TAFA1: variants seen among roughly 807,000 people sequenced by gnomAD.
The protein encoded by TAFA1 is TAFA chemokine like family member 1.
A neutral mutation model predicts 18.5 loss-of-function variants in TAFA1; 4 were observed. The observed-to-expected ratio is 0.22, with a 90% CI of 0.11 to 0.49. The LOEUF (loss-of-function observed/expected upper bound fraction) is 0.49. TAFA1 is among the 20% of genes least tolerant of loss of function. The pLI, the probability that TAFA1 is intolerant of heterozygous loss-of-function variation, is 0.98. For missense variants in TAFA1, 147 were observed against 169.0 expected, an observed-to-expected ratio of 0.87 and a Z score of 0.72; for synonymous variants, 56 against 55.2, an observed-to-expected ratio of 1.01 and a Z score of -0.06.
intron 2 of TAFA1, among the ~76,000 whole-genome samples, chr3:68,255,661 G>C (rs928693759): frequency 6.6e-6 from 1 of 151,724 alleles, no homozygotes; most frequent in Non-Finnish European, 1.5e-5. Flanking sequence ...GAGTTTTATA[G>C]GGTTTTTTTT....
At chr3:68,529,436 T>TAAAAAA (rs533214097) in intron 3 of TAFA1, among the ~76,000 whole-genome samples, 10 of 77,070 alleles carry the variant, frequency 1.3e-4, no homozygotes, top group African/African-American at 3.2e-4. Context: ...CACCATTCTC[T>TAAAAAA]AAAAAAAAAA....
intron 3 of TAFA1, among the ~76,000 whole-genome samples, chr3:68,466,459 T>G (rs1451338435): frequency 6.6e-6 from 1 of 152,132 alleles, no homozygotes; most frequent in Non-Finnish European, 1.5e-5. Context: ...ATAGCAATAC[T>G]AAAATGTAAA....
At chr3:68,184,857 G>A (rs1314414061) in intron 2 of TAFA1, among the ~76,000 whole-genome samples, 1 of 152,144 alleles carries the variant, frequency 6.6e-6, no homozygotes, top group Admixed American at 6.5e-5. Flanking sequence ...CCAATGTGAT[G>A]AAGCAGATTC....
chr3:68,543,417 T>C (rs923439216), intron 4 of TAFA1, among the ~76,000 whole-genome samples: 3 of 152,122 alleles, frequency 2.0e-5, no homozygotes, highest in Non-Finnish European at 4.4e-5. Flanking sequence ...CATTCCAATA[T>C]GTGAATGTCT....
chr3:68,510,090 G>T (rs2072822931), intron 3 of TAFA1, among the ~76,000 whole-genome samples: 1 of 151,978 alleles, frequency 6.6e-6, no homozygotes, highest in Admixed American at 6.6e-5. Context: ...TTCCTCTCGG[G>T]TTCAGGCATT....
At chr3:68,323,057 G>T (rs188979908) in intron 2 of TAFA1, among the ~76,000 whole-genome samples, 80 of 152,276 alleles carry the variant, frequency 5.3e-4, no homozygotes, top group Non-Finnish European at 9.4e-4. Flanking sequence ...CACAATTGCT[G>T]AAAAGCGGTG....
chr3:68,100,787 CT>C (rs1240041621), intron 2 of TAFA1, among the ~76,000 whole-genome samples: 2 of 152,096 alleles, frequency 1.3e-5, no homozygotes, highest in Non-Finnish European at 2.9e-5. Context: ...GATTTCATCC[CT>C]CTTCTTAAGA....
intron 2 of TAFA1, among the ~76,000 whole-genome samples, chr3:68,369,827 T>C (rs1025581115): frequency 1.3e-5 from 2 of 152,138 alleles, no homozygotes; most frequent in African/African-American, 4.8e-5. Context: ...AAAAACCAGA[T>C]TCCCTCTCAA....
At chr3:68,287,739 T>G (rs904845371) in intron 2 of TAFA1, among the ~76,000 whole-genome samples, 1 of 152,154 alleles carries the variant, frequency 6.6e-6, no homozygotes, top group Non-Finnish European at 1.5e-5. Context: ...TTGCGCACTA[T>G]ATAAACTTCC....
At chr3:68,178,212 G>A (rs1432920529) in intron 2 of TAFA1, among the ~76,000 whole-genome samples, 4 of 151,980 alleles carry the variant, frequency 2.6e-5, no homozygotes, top group African/African-American at 9.7e-5. Flanking sequence ...TATTTATTAT[G>A]TTGTGTGATG....
chr3:68,258,513 A>C (rs2107186051), intron 2 of TAFA1, among the ~76,000 whole-genome samples: 1 of 152,296 alleles, frequency 6.6e-6, no homozygotes, highest in African/African-American at 2.4e-5. Context: ...TTTTCTCAGA[A>C]GAATAAGAAA....
At chr3:68,030,406 C>T (rs1212050918) in intron 2 of TAFA1, among the ~76,000 whole-genome samples, 1 of 152,050 alleles carries the variant, frequency 6.6e-6, no homozygotes, top group Non-Finnish European at 1.5e-5. Context: ...TAATGCTATC[C>T]TTCCCCTAAC....
In TAFA1 at chr3:68,142,262, G is replaced by T. The variant is rs550488447; in HGVS notation, c.118+135518G>T. On this transcript the variant is annotated intron_variant, in intron 2 of 4. Coordinates refer to ENST00000478136, the MANE Select transcript of TAFA1 (RefSeq NM_213609.4). ...GTTAATATAAATCTCTATTGCATAT[G>T]GGAAAAGTGAAACTTGGAGAAGTTA... is the stretch of plus-strand genomic sequence containing the variant. 3.9e-5 allele frequency among the ~76,000 whole-genome samples: 6 copies of T among 152,332 alleles called. No homozygotes were observed. The South Asian group carries it at 1.2e-3, about 32-fold the overall frequency.
chr3:68,324,260 GTTGATAAATATAGC>G (rs2068741138), intron 2 of TAFA1, among the ~76,000 whole-genome samples: 1 of 151,764 alleles, frequency 6.6e-6, no homozygotes, highest in Admixed American at 6.6e-5. Context: ...ATATAGCCTT[GTTGATAAATATAGC>G]CTTGTTGATA....
chr3:68,199,328 G>A (rs956940680), intron 2 of TAFA1, among the ~76,000 whole-genome samples: 1 of 151,396 alleles, frequency 6.6e-6, no homozygotes, highest in Non-Finnish European at 1.5e-5. Context: ...CTTCAATGTC[G>A]TGTTGGCTAT....
intron 2 of TAFA1, among the ~76,000 whole-genome samples, chr3:68,231,222 CA>C (rs1332482278): frequency 6.6e-6 from 1 of 151,490 alleles, no homozygotes; most frequent in South Asian, 2.1e-4. Context: ...TTTAAATACT[CA>C]AAAAGGTAGA....
intron 2 of TAFA1, among the ~76,000 whole-genome samples, chr3:68,365,671 A>G (rs2069553643): frequency 6.6e-6 from 1 of 152,206 alleles, no homozygotes. Context: ...GAGATGTTTA[A>G]TGGACTCACA....
At chr3:68,528,714 C>T (rs2073143769) in intron 3 of TAFA1, among the ~76,000 whole-genome samples, 1 of 152,170 alleles carries the variant, frequency 6.6e-6, no homozygotes, top group African/African-American at 2.4e-5. Context: ...TTATAACCTA[C>T]TTCTGGGAAC....
intron 3 of TAFA1, among the ~76,000 whole-genome samples, chr3:68,481,507 A>G (rs1289373230): frequency 6.6e-6 from 1 of 152,158 alleles, no homozygotes. Flanking sequence ...GGCTTTCATG[A>G]CAACACACCC....
Sources: allele counts gnomAD v4.1 joint callset (sites outside exome capture counted in the v4.1 genomes callset), GRCh38; gene constraint gnomAD v4.1.1; transcripts MANE v1.5; gene names NCBI Gene and HGNC (gene_info 2026-07-23, HGNC 2026-07-21).